The following CD2AP variants were observed in gnomAD, a reference collection of about 807,000 sequenced individuals.
CD2AP encodes the protein CD2-associated protein.
CD2AP carries 46 observed loss-of-function variants against 85.1 expected under a neutral mutation model. The observed-to-expected ratio is 0.54, with a 90% CI of 0.43 to 0.69. CD2AP has a LOEUF of 0.69. CD2AP is among the 30% of genes least tolerant of loss of function. The pLI is 0.00. For synonymous variants in CD2AP, 255 were observed against 252.9 expected, an observed-to-expected ratio of 1.01 and a Z score of -0.08; for missense variants, 769 against 729.5, an observed-to-expected ratio of 1.05 and a Z score of -0.62.
rs1582525034 is a variant in CD2AP, at chr6:47,533,587, T to A, written c.166-15T>A. On this transcript the variant is annotated splice_polypyrimidine_tract_variant and intron_variant, in intron 2 of 17. Coordinates refer to ENST00000359314, the MANE Select transcript of CD2AP (RefSeq NM_012120.3). Reference sequence around the variant, plus strand: ...ATAACTTAACTTGCCTCTTTATTTATTTTCCCTTTTGTAGGAAATTAAAAG... The same window carrying A: ...ATAACTTAACTTGCCTCTTTATTTAATTTCCCTTTTGTAGGAAATTAAAAG... The A allele has an allele frequency of 6.2e-7, 1 of 1,612,086 alleles. No homozygotes were observed.
At chr6:47,607,713 T>C (rs1268123449) in intron 14 of CD2AP, among the ~76,000 whole-genome samples, 1 of 152,102 alleles carries the variant, frequency 6.6e-6, no homozygotes, top group African/African-American at 2.4e-5. Context: ...ATGGAGAAAA[T>C]CCTTACTGCT....
At chr6:47,589,403 T>TAC (rs996259546) in intron 11 of CD2AP, among the ~76,000 whole-genome samples, 1 of 13,972 alleles carries the variant, frequency 7.2e-5, no homozygotes. Flanking sequence ...CAAATGTATA[T>TAC]ACACACACAT....
intron 16 of CD2AP, 100 bp from the exon 17 acceptor site, chr6:47,612,373 T>A (rs968485134): frequency 2.5e-6 from 2 of 791,876 alleles, no homozygotes; most frequent in Non-Finnish European, 2.1e-6. Context: ...AAAAAGTTTT[T>A]CCCATGAACT....
chr6:47,500,699 A>G (rs1765974986), intron 1 of CD2AP, among the ~76,000 whole-genome samples: 2 of 151,354 alleles, frequency 1.3e-5, no homozygotes, highest in Non-Finnish European at 2.9e-5. Context: ...GTAGGTATCA[A>G]ATTCTCATTA....
rs903199645 is a variant in CD2AP at position 47,486,366 on chromosome 6, A to G, written c.4+8118A>G. On this transcript the variant is annotated intron_variant, in intron 1 of 17. Coordinates refer to ENST00000359314, the MANE Select transcript of CD2AP (RefSeq NM_012120.3). The stretch of plus-strand genomic sequence containing the variant: ...TGAATGTGTTGGGATGGCTTATGTG[A>G]TAGGAATAAGACAACATAATAACAA... 4.6e-5 allele frequency among the ~76,000 whole-genome samples: 7 copies of G among 152,310 alleles called. No homozygotes were observed. In the South Asian group the frequency reaches 1.4e-3, roughly 32 times the overall value.
intron 9 of CD2AP, among the ~76,000 whole-genome samples, chr6:47,580,555 A>T (rs1768448629): frequency 6.6e-6 from 1 of 152,166 alleles, no homozygotes; most frequent in Non-Finnish European, 1.5e-5. Context: ...GTACTTAGGA[A>T]TCTTAACCTA....
At chr6:47,602,977 A>T (rs1769181504) in intron 13 of CD2AP, among the ~76,000 whole-genome samples, 1 of 152,036 alleles carries the variant, frequency 6.6e-6, no homozygotes, top group African/African-American at 2.4e-5. Flanking sequence ...AAGGAAACAC[A>T]TTTGTTTTTC....
chr6:47,529,504 G>T (rs1766816278), intron 2 of CD2AP, among the ~76,000 whole-genome samples: 1 of 152,156 alleles, frequency 6.6e-6, no homozygotes, highest in African/African-American at 2.4e-5. Flanking sequence ...CCCTGAATTG[G>T]TGGGGATAGG....
intron 11 of CD2AP, among the ~76,000 whole-genome samples, chr6:47,595,152 A>G (rs1562048668): frequency 6.6e-6 from 1 of 152,008 alleles, no homozygotes; most frequent in Non-Finnish European, 1.5e-5. Flanking sequence ...TGTGTAATAA[A>G]AGAGTACTTG....
chr6:47,558,534 A>G (rs560968783), intron 5 of CD2AP, among the ~76,000 whole-genome samples: 210 of 152,286 alleles, frequency 1.4e-3, no homozygotes, highest in Middle Eastern at 3.4e-3. Context: ...AGCATGAAGC[A>G]GTGTTGAATT....
intron 11 of CD2AP, among the ~76,000 whole-genome samples, chr6:47,587,574 A>G (rs938967402): frequency 6.6e-6 from 1 of 152,148 alleles, no homozygotes; most frequent in Admixed American, 6.5e-5. Context: ...TAATATTACC[A>G]CTTTGAAGCA....
rs546578952 is a variant in CD2AP, at chr6:47,514,375, A to G, written c.165+10935A>G. 5.9e-5 allele frequency among the ~76,000 whole-genome samples: 9 copies of G among 152,300 alleles called. No individual in the cohort carries two copies. The East Asian group carries it at 1.7e-3, about 29-fold the overall frequency. ...AGAAGTAAGCTAAAACTGAGGAGAA[A>G]CCAGGCTAACTTAGCAGATATTACT... On this transcript the variant is annotated intron_variant, in intron 2 of 17. Transcript: ENST00000359314.
At chr6:47,566,942 T>C (rs1245879890) in intron 5 of CD2AP, among the ~76,000 whole-genome samples, 1 of 152,220 alleles carries the variant, frequency 6.6e-6, no homozygotes, top group East Asian at 1.9e-4. Flanking sequence ...TGCATGCATG[T>C]GTCTTTATAG....
At chr6:47,579,341 A>AG in intron 8 of CD2AP, 44 bp from the exon 9 acceptor site, 6 of 1,226,198 alleles carry the variant, frequency 4.9e-6, no homozygotes, top group Non-Finnish European at 7.2e-6. Context: ...TCTTAAAAAA[A>AG]AAAAAAAGGT....
At chr6:47,606,444 C>T (rs1208031992) in intron 14 of CD2AP, among the ~76,000 whole-genome samples, 167 bp downstream of exon 14, 1 of 151,990 alleles carries the variant, frequency 6.6e-6, no homozygotes, top group Admixed American at 6.6e-5. Flanking sequence ...GAGGTGTGTT[C>T]ATTCCAACAG....
At chr6:47,610,405 A>G (rs2114151255) in intron 16 of CD2AP, among the ~76,000 whole-genome samples, 1 of 152,292 alleles carries the variant, frequency 6.6e-6, no homozygotes, top group Admixed American at 6.5e-5. Flanking sequence ...ATATGGTACA[A>G]AAGTTATGGC....
rs1182403313 is a variant in CD2AP, at chr6:47,626,368, T to C, written c.*2141T>C. 1.3e-5 allele frequency: 2 copies of C among 152,326 alleles called. No homozygotes were observed. The allele number at this position is 152,326 out of a possible 1,614,324, so 9.4% of individuals were successfully genotyped here. A position where few individuals can be genotyped will look rare whatever the true frequency, so the allele number is the denominator to read the frequency against. On this transcript the variant is annotated 3_prime_UTR_variant, in exon 18 of 18. Transcript: ENST00000359314. ...TCTAGCAACTTACTTTCTGTTGGTA[T>C]GGGAAATGTTATTAATTTCTATTAC...
At position 47,626,775 on chromosome 6, in the gene CD2AP, G is replaced by A. The variant is rs748856071; in HGVS notation, c.*2548G>A. Reference sequence around the variant, plus strand: ...CTAGATTTGTTGATAAACATTTTATGCTTGCATTTAAACTTGAAATGTATG... The same window carrying A: ...CTAGATTTGTTGATAAACATTTTATACTTGCATTTAAACTTGAAATGTATG... On this transcript the variant is annotated 3_prime_UTR_variant, in exon 18 of 18. Coordinates refer to ENST00000359314, the MANE Select transcript of CD2AP (RefSeq NM_012120.3). 2 of 152,406 alleles carry A rather than the reference G, an allele frequency of 1.3e-5. No homozygotes were observed. The highest frequency in any genetic ancestry group is 2.1e-4 in the South Asian group (1 of 4,830). The allele number at this position is 152,406 out of a possible 1,614,324, so 9.4% of individuals were successfully genotyped here.
intron 3 of CD2AP, among the ~76,000 whole-genome samples, chr6:47,537,274 C>T (rs9473128): frequency 0.27 from 40,900 of 151,976 alleles, 5,685 homozygotes; most frequent in African/African-American, 0.33. Flanking sequence ...AGATTATGTC[C>T]ACTGACTATG....
Sources: gnomAD v4.1 joint callset for allele counts (sites outside exome capture counted in the v4.1 genomes callset) on GRCh38, gnomAD v4.1.1 for gene constraint, MANE v1.5 for transcripts, NCBI Gene and HGNC (gene_info 2026-07-23, HGNC 2026-07-21) for gene names.